SRBD1: variants seen among roughly 807,000 people sequenced by gnomAD.
The protein encoded by SRBD1 is S1 RNA binding domain 1.
SRBD1 carries 88 observed loss-of-function variants against 115.3 expected under a neutral mutation model. The ratio of observed to expected loss-of-function variants is 0.76; its 90% CI spans 0.64 to 0.91. SRBD1 has a LOEUF of 0.91. SRBD1 is among the 40% of genes least tolerant of loss of function. The pLI, the probability that SRBD1 is intolerant of heterozygous loss-of-function variation, is 0.00. For synonymous variants in SRBD1, 509 were observed against 407.7 expected, an observed-to-expected ratio of 1.25 and a Z score of -2.99; for missense variants, 1,385 against 1,177.4, an observed-to-expected ratio of 1.18 and a Z score of -2.58.
chr2:45,464,120 G>A (rs571502951), intron 16 of SRBD1, among the ~76,000 whole-genome samples: 7 of 151,360 alleles, frequency 4.6e-5, no homozygotes, highest in Non-Finnish European at 8.8e-5. Flanking sequence ...CCTTGCAGAG[G>A]GGGTAAAGAA....
chr2:45,465,088 C>T (rs574828191), intron 16 of SRBD1, among the ~76,000 whole-genome samples: 22 of 150,286 alleles, frequency 1.5e-4, no homozygotes, highest in Admixed American at 7.3e-4. Flanking sequence ...TCTAGGACTC[C>T]CTGCAGATAC....
At chr2:45,604,317 A>G (rs1674194116) in intron 2 of SRBD1, among the ~76,000 whole-genome samples, 1 of 151,362 alleles carries the variant, frequency 6.6e-6, no homozygotes, top group Admixed American at 6.6e-5. Flanking sequence ...GAGATACTGT[A>G]TAAAATTGAG....
intron 11 of SRBD1, among the ~76,000 whole-genome samples, chr2:45,551,490 G>C (rs1672297996): frequency 6.6e-6 from 1 of 152,172 alleles, no homozygotes; most frequent in African/African-American, 2.4e-5. Flanking sequence ...AGCAAGTCTT[G>C]TAAGTTTATC....
At chr2:45,559,943 T>C (rs550056668) in intron 10 of SRBD1, among the ~76,000 whole-genome samples, 129 of 152,036 alleles carry the variant, frequency 8.5e-4, no homozygotes, top group Non-Finnish European at 1.6e-3. Flanking sequence ...TAGCTGGGTG[T>C]GGTGGTGCGC....
At position 45,524,306 on chromosome 2, in the gene SRBD1, T is replaced by C. The variant is rs559716917; in HGVS notation, c.1874+22426A>G. ...GCATTGAAGCTTCTAGCTATGGTAA[T>C]TAGGCAAGAAAAAGAAATAAAAGAC... On this transcript the variant is annotated intron_variant, in intron 14 of 20. Coordinates refer to ENST00000263736, the MANE Select transcript of SRBD1 (RefSeq NM_018079.5). Among the ~76,000 whole-genome samples, 5 of 152,056 alleles carry C rather than the reference T, an allele frequency of 3.3e-5. No individual in the cohort carries two copies. In the South Asian group the frequency reaches 8.3e-4, roughly 25 times the overall value.
intron 9 of SRBD1, among the ~76,000 whole-genome samples, chr2:45,571,163 G>C (rs528745579): frequency 4.7e-4 from 72 of 152,212 alleles, no homozygotes; most frequent in South Asian, 1.0e-3. Context: ...CTACGGCAGA[G>C]CTGTTAATGG....
chr2:45,416,867 C>A (rs950843119), intron 18 of SRBD1, among the ~76,000 whole-genome samples: 1 of 152,138 alleles, frequency 6.6e-6, no homozygotes, highest in Non-Finnish European at 1.5e-5. Flanking sequence ...CAACCTCCAC[C>A]TCCTGGGTTC....
At chr2:45,564,342 T>A (rs1672760674) in intron 9 of SRBD1, among the ~76,000 whole-genome samples, 1 of 152,164 alleles carries the variant, frequency 6.6e-6, no homozygotes, top group Non-Finnish European at 1.5e-5. Flanking sequence ...GCTAACATCA[T>A]ATTTACTGGT....
At chr2:45,530,030 A>G (rs780662010) in intron 14 of SRBD1, among the ~76,000 whole-genome samples, 21 of 152,034 alleles carry the variant, frequency 1.4e-4, no homozygotes, top group African/African-American at 7.2e-5. Flanking sequence ...AAACAATGGA[A>G]CTATCTAAAT....
At chr2:45,502,847 T>C (rs1346542342) in intron 14 of SRBD1, among the ~76,000 whole-genome samples, 1 of 151,814 alleles carries the variant, frequency 6.6e-6, no homozygotes, top group Non-Finnish European at 1.5e-5. Context: ...AAAAAAAAGA[T>C]ATCACTCTGT....
At chr2:45,417,741 C>A (rs560584034) in intron 18 of SRBD1, among the ~76,000 whole-genome samples, 1 of 152,302 alleles carries the variant, frequency 6.6e-6, no homozygotes, top group African/African-American at 2.4e-5. Context: ...ATGCTTTGGT[C>A]CATTTTCAGT....
chr2:45,538,193 G>T (rs762003585), intron 14 of SRBD1, among the ~76,000 whole-genome samples: 5 of 152,202 alleles, frequency 3.3e-5, no homozygotes, highest in Admixed American at 6.5e-5. Context: ...GGAAATCTCA[G>T]AAAACAAAAA....
chr2:45,573,268 A>G lies in SRBD1; in HGVS notation c.1244T>C (p.Val415Ala). The G allele has an allele frequency of 6.2e-7, 1 of 1,612,590 alleles. No homozygotes were observed. The highest frequency in any genetic ancestry group is 8.5e-7 in the Non-Finnish European group (1 of 1,179,402). ...ATGCTGGTAGAGCAGAAACTTATCAACATCTTTCTCATTTACCTTTTTTGA... is the reference window on the plus strand; with the variant it reads ...ATGCTGGTAGAGCAGAAACTTATCAGCATCTTTCTCATTTACCTTTTTTGA... Reference protein sequence around the residue: ...VSSKKVNEKDVDKFLLYQHFS... With the variant: ...VSSKKVNEKDADKFLLYQHFS... The change falls in exon 9 of 21, where the codon GTT (valine) becomes GCT (alanine). Residue 415 changes from valine to alanine, a missense_variant. Transcript: ENST00000263736.
intron 12 of SRBD1, among the ~76,000 whole-genome samples, chr2:45,548,437 T>C (rs931975679): frequency 2.0e-5 from 3 of 151,996 alleles, no homozygotes; most frequent in African/African-American, 7.2e-5. Context: ...ATATCTACCA[T>C]TATAAACAAC....
chr2:45,513,665 A>C (rs967391172), intron 14 of SRBD1, among the ~76,000 whole-genome samples: 2 of 152,152 alleles, frequency 1.3e-5, no homozygotes, highest in Non-Finnish European at 2.9e-5. Flanking sequence ...GAGTTAGAGC[A>C]GATCTTTGAG....
intron 16 of SRBD1, among the ~76,000 whole-genome samples, chr2:45,435,562 A>G (rs942910035): frequency 3.5e-4 from 30 of 86,384 alleles, no homozygotes; most frequent in East Asian, 1.4e-3. Flanking sequence ...GGCCAGGGGA[A>G]AAAAAAAAAA....
At chr2:45,480,320 G>A (rs1027207893) in intron 15 of SRBD1, among the ~76,000 whole-genome samples, 1 of 152,126 alleles carries the variant, frequency 6.6e-6, no homozygotes, top group South Asian at 2.1e-4. Flanking sequence ...GGCAAAGTAC[G>A]TTGAAAATCT....
intron 19 of SRBD1, among the ~76,000 whole-genome samples, chr2:45,400,503 T>A (rs1291663171): frequency 2.0e-5 from 3 of 152,168 alleles, no homozygotes; most frequent in African/African-American, 7.2e-5. Flanking sequence ...TTTTCTCCAG[T>A]CTCAAAACCC....
At chr2:45,440,969 C>T (rs964233263) in intron 16 of SRBD1, among the ~76,000 whole-genome samples, 1 of 152,142 alleles carries the variant, frequency 6.6e-6, no homozygotes, top group African/African-American at 2.4e-5. Flanking sequence ...CTTTTCTTCT[C>T]CACATGTAGA....
Sources: allele counts gnomAD v4.1 joint callset (sites outside exome capture counted in the v4.1 genomes callset), GRCh38; gene constraint gnomAD v4.1.1; transcripts MANE v1.5; gene names NCBI Gene and HGNC (gene_info 2026-07-23, HGNC 2026-07-21).